Variants in HS3ST4 observed in about 807,000 individuals in gnomAD.
HS3ST4 encodes heparan sulfate-glucosamine 3-sulfotransferase 4.
HS3ST4 carries 17 observed loss-of-function variants against 29.2 expected under a neutral mutation model. That is an observed-to-expected ratio of 0.58 (90% CI 0.40 to 0.87). The LOEUF (loss-of-function observed/expected upper bound fraction) is 0.87, where lower values mean the gene tolerates loss of function less well. Among genes scored for constraint, HS3ST4 ranks in the 40% least tolerant of loss-of-function variants. The probability of loss-of-function intolerance (pLI) is 0.00; values close to 1 mark genes in which losing one functional copy is unlikely to be tolerated. For synonymous variants in HS3ST4, 314 were observed against 285.7 expected, an observed-to-expected ratio of 1.10 and a Z score of -1.00; for missense variants, 627 against 634.5, an observed-to-expected ratio of 0.99 and a Z score of 0.13.
At chr16:25,742,726 T>G (rs556837244) in intron 1 of HS3ST4, among the ~76,000 whole-genome samples, 57 of 152,342 alleles carry the variant, frequency 3.7e-4, no homozygotes, top group African/African-American at 1.3e-3. Flanking sequence ...TTTGTTTTAC[T>G]CTCAGCATGC....
At chr16:25,724,112 CAAAAAAAAA>C (rs56115380) in intron 1 of HS3ST4, among the ~76,000 whole-genome samples, 3 of 77,266 alleles carry the variant, frequency 3.9e-5, no homozygotes, top group African/African-American at 1.5e-4. Flanking sequence ...GACTCCATCT[CAAAAAAAAA>C]AAAAAAAAAA....
chr16:25,959,449 G>A (rs995702255), intron 1 of HS3ST4, among the ~76,000 whole-genome samples: 13 of 152,100 alleles, frequency 8.5e-5, no homozygotes, highest in African/African-American at 1.2e-4. Flanking sequence ...TCCAGAACCC[G>A]GCATGCAATT....
chr16:26,030,458 G>A (rs926829059), intron 1 of HS3ST4, among the ~76,000 whole-genome samples: 28 of 152,212 alleles, frequency 1.8e-4, no homozygotes, highest in African/African-American at 6.8e-4. Flanking sequence ...GGTTAATGAT[G>A]AGGTGCAAAT....
chr16:25,984,883 G>C (rs756936095), intron 1 of HS3ST4, among the ~76,000 whole-genome samples: 2 of 152,114 alleles, frequency 1.3e-5, no homozygotes, highest in Non-Finnish European at 2.9e-5. Context: ...AAGAACTGTC[G>C]CAGCAGCTCA....
At chr16:25,756,711 C>T (rs189346948) in intron 1 of HS3ST4, among the ~76,000 whole-genome samples, 2 of 152,214 alleles carry the variant, frequency 1.3e-5, no homozygotes, top group Admixed American at 1.3e-4. Flanking sequence ...CTGTGTGAAA[C>T]AGATGTCACT....
chr16:26,120,052 A>AGTGTGTGTGTGTGTGTAT (rs1157948360), intron 1 of HS3ST4, among the ~76,000 whole-genome samples: 1 of 131,564 alleles, frequency 7.6e-6, no homozygotes, highest in Admixed American at 7.7e-5. Context: ...AGCTGAAGGA[A>AGTGTGTGTGTGTGTGTAT]GTGTGTGTGT....
intron 1 of HS3ST4, among the ~76,000 whole-genome samples, chr16:25,721,625 C>T (rs1399108532): frequency 6.6e-6 from 1 of 152,164 alleles, no homozygotes; most frequent in Admixed American, 6.5e-5. Context: ...TATGCACAGA[C>T]AGTTCTTGAG....
chr16:25,931,906 T>C lies in HS3ST4; in HGVS notation c.735-203706T>C, dbSNP rs534458637. On this transcript the variant is annotated intron_variant, in intron 1 of 1. Coordinates refer to ENST00000331351, the MANE Select transcript of HS3ST4 (RefSeq NM_006040.3). ...ACATGGCAGAGGGCCGCCTCACTGC[T>C]TCCAAAAGGCAGCTTGTGGGGGAAA... is the stretch of plus-strand genomic sequence containing the variant. Among the ~76,000 whole-genome samples, 71 of 151,496 alleles carry C rather than the reference T, an allele frequency of 4.7e-4. 1 individual carries two copies. The highest frequency in any genetic ancestry group is 1.8e-3 in the Admixed American group (27 of 15,256).
At chr16:26,113,189 T>G (rs1344659440) in intron 1 of HS3ST4, among the ~76,000 whole-genome samples, 1 of 152,152 alleles carries the variant, frequency 6.6e-6, no homozygotes, top group African/African-American at 2.4e-5. Context: ...TTATGCCATT[T>G]TTCAAATAAA....
intron 1 of HS3ST4, among the ~76,000 whole-genome samples, chr16:25,980,663 G>A (rs974253131): frequency 6.6e-6 from 1 of 152,154 alleles, no homozygotes; most frequent in African/African-American, 2.4e-5. Context: ...ACTTGCCCAT[G>A]TAGCAAAACT....
chr16:25,915,472 C>A (rs2141680321), intron 1 of HS3ST4, among the ~76,000 whole-genome samples: 1 of 152,246 alleles, frequency 6.6e-6, no homozygotes, highest in South Asian at 2.1e-4. Flanking sequence ...AATGAAAATT[C>A]CAAGAGCATA....
At chr16:25,819,920 A>C (rs1009447214) in intron 1 of HS3ST4, among the ~76,000 whole-genome samples, 3 of 145,252 alleles carry the variant, frequency 2.1e-5, no homozygotes, top group Admixed American at 1.4e-4. Context: ...CTGAGGCAGG[A>C]GAATCACTTG....
At chr16:25,959,658 G>A (rs1311547318) in intron 1 of HS3ST4, among the ~76,000 whole-genome samples, 1 of 152,170 alleles carries the variant, frequency 6.6e-6, no homozygotes, top group African/African-American at 2.4e-5. Context: ...TACATCTCTA[G>A]GGAGGGTATC....
intron 1 of HS3ST4, among the ~76,000 whole-genome samples, chr16:25,952,020 T>G (rs2141697459): frequency 6.6e-6 from 1 of 152,286 alleles, no homozygotes; most frequent in African/African-American, 2.4e-5. Flanking sequence ...GAATAATATT[T>G]TGTAGTACAT....
intron 1 of HS3ST4, among the ~76,000 whole-genome samples, chr16:26,024,492 G>A (rs1356219225): frequency 3.9e-5 from 6 of 152,098 alleles, no homozygotes; most frequent in East Asian, 1.9e-4. Flanking sequence ...ATCACTTTAG[G>A]AGGCTGAGGC....
At chr16:25,965,750 T>C (rs1968836294) in intron 1 of HS3ST4, among the ~76,000 whole-genome samples, 2 of 152,242 alleles carry the variant, frequency 1.3e-5, no homozygotes, top group African/African-American at 4.8e-5. Context: ...TTACCCAGAA[T>C]CATAATGAAC....
At chr16:25,898,024 G>C (rs913297464) in intron 1 of HS3ST4, among the ~76,000 whole-genome samples, 4 of 152,142 alleles carry the variant, frequency 2.6e-5, no homozygotes, top group African/African-American at 9.7e-5. Flanking sequence ...CCTGGCAGTG[G>C]GTCACAGTGA....
intron 1 of HS3ST4, among the ~76,000 whole-genome samples, chr16:25,897,645 T>C (rs1368566561): frequency 1.3e-5 from 2 of 151,842 alleles, no homozygotes; most frequent in African/African-American, 4.8e-5. Context: ...ATGGGGAGTG[T>C]GTGTGGTGGT....
At position 25,918,432 on chromosome 16, in the gene HS3ST4, AC is replaced by A. The variant is rs551396552; in HGVS notation, c.735-217178del. 6.6e-5 allele frequency among the ~76,000 whole-genome samples: 10 copies of A among 152,336 alleles called. No homozygotes were observed. In the South Asian group the frequency reaches 1.5e-3, roughly 22 times the overall value. ...CATGGATGTATGCAGTTTACAGCCT[AC>A]CTGAGGGGAGGTAGCACTACATGGT... On this transcript the variant is annotated intron_variant, in intron 1 of 1. Transcript: ENST00000331351.
Sources: allele counts gnomAD v4.1 joint callset (sites outside exome capture counted in the v4.1 genomes callset), GRCh38; gene constraint gnomAD v4.1.1; transcripts MANE v1.5; gene names NCBI Gene and HGNC (gene_info 2026-07-23, HGNC 2026-07-21).